The following SLC13A3 variants were observed in gnomAD, a reference collection of about 807,000 sequenced individuals.
SLC13A3 encodes the protein solute carrier family 13 member 3, also known as Na(+)/dicarboxylate cotransporter 3.
In SLC13A3, 40 loss-of-function variants were observed where a neutral mutation model predicts 59.0. The ratio of observed to expected loss-of-function variants is 0.68; its 90% confidence interval spans 0.53 to 0.88. The LOEUF is 0.88. SLC13A3 is among the 40% of genes least tolerant of loss of function. The pLI, the probability that SLC13A3 is intolerant of heterozygous loss-of-function variation, is 0.00. For missense variants in SLC13A3, 699 were observed against 783.2 expected, an observed-to-expected ratio of 0.89 and a Z score of 1.28; for synonymous variants, 317 against 330.3, an observed-to-expected ratio of 0.96 and a Z score of 0.44.
intron 4 of SLC13A3, among the ~76,000 whole-genome samples, chr20:46,598,604 G>A (rs2062339838): frequency 6.6e-6 from 1 of 152,146 alleles, no homozygotes; most frequent in African/African-American, 2.4e-5. Context: ...ACCAATCACA[G>A]AACTCATGTC....
intron 1 of SLC13A3, among the ~76,000 whole-genome samples, chr20:46,661,636 C>T (rs2063030751): frequency 6.6e-6 from 1 of 152,156 alleles, no homozygotes; most frequent in African/African-American, 2.4e-5. Context: ...CCATTTCCTG[C>T]ACCTGGGAGG....
intron 11 of SLC13A3, 113 bp from the exon 12 acceptor site, chr20:46,563,664 G>T: frequency 8.7e-7 from 1 of 1,151,544 alleles, no homozygotes; most frequent in Non-Finnish European, 1.2e-6. Flanking sequence ...AAGACGTAGA[G>T]ACAGAGAGAC....
chr20:46,582,474 A>C (rs1409125875), intron 9 of SLC13A3: 2 of 223,018 alleles, frequency 9.0e-6, no homozygotes, highest in African/African-American at 4.8e-5. Flanking sequence ...GAGGTGGCTC[A>C]CACCTGTAAT....
intron 8 of SLC13A3, chr20:46,585,480 T>C (rs780211480): frequency 2.1e-5 from 21 of 996,082 alleles, no homozygotes; most frequent in Admixed American, 6.1e-5. Flanking sequence ...AAATCTTCTT[T>C]TAATAGGGTT....
intron 3 of SLC13A3, among the ~76,000 whole-genome samples, chr20:46,606,961 CCCTCCAAGTCTGAGGA>C: frequency 6.6e-6 from 1 of 152,354 alleles, no homozygotes; most frequent in South Asian, 2.1e-4. Flanking sequence ...AACAGCGCTG[CCCTCCAAGTCTGAGGA>C]CCTCTGGAGT....
chr20:46,662,146 C>T (rs1437420055), intron 1 of SLC13A3, among the ~76,000 whole-genome samples: 1 of 152,160 alleles, frequency 6.6e-6, no homozygotes, highest in Non-Finnish European at 1.5e-5. Flanking sequence ...CTCTTCTCCC[C>T]CATTATGATC....
chr20:46,679,753 CA>C (rs1411656803), intron 1 of SLC13A3, among the ~76,000 whole-genome samples: 1 of 152,030 alleles, frequency 6.6e-6, no homozygotes, highest in Non-Finnish European at 1.5e-5. Context: ...ACTAAAAATT[CA>C]AAAATTAGCT....
chr20:46,596,101 G>A (rs940585257), intron 5 of SLC13A3, 56 bp downstream of exon 5: 7 of 1,506,088 alleles, frequency 4.6e-6, no homozygotes, highest in African/African-American at 1.4e-5. Context: ...GAATGAAGGA[G>A]GGAAGAGGAG....
chr20:46,610,921 C>A (rs2062487887), intron 2 of SLC13A3, among the ~76,000 whole-genome samples: 1 of 151,934 alleles, frequency 6.6e-6, no homozygotes, highest in Admixed American at 6.6e-5. Context: ...CCAAGACACT[C>A]CACTATCTTT....
At chr20:46,627,929 T>C (rs1438336109) in intron 1 of SLC13A3, among the ~76,000 whole-genome samples, 1 of 151,886 alleles carries the variant, frequency 6.6e-6, no homozygotes, top group Non-Finnish European at 1.5e-5. Flanking sequence ...AGCCTAAGAG[T>C]AGATCTCATC....
intron 3 of SLC13A3, among the ~76,000 whole-genome samples, chr20:46,607,949 G>A (rs1180280992): frequency 6.6e-6 from 1 of 152,150 alleles, no homozygotes; most frequent in Non-Finnish European, 1.5e-5. Flanking sequence ...TAAACTAAGT[G>A]CACAGTAAAC....
chr20:46,668,646 G>T (rs888294707), intron 1 of SLC13A3, among the ~76,000 whole-genome samples: 1 of 152,218 alleles, frequency 6.6e-6, no homozygotes, highest in Non-Finnish European at 1.5e-5. Context: ...CATTGATGAA[G>T]ATGACTACAC....
intron 1 of SLC13A3, among the ~76,000 whole-genome samples, chr20:46,623,577 A>T (rs1056882022): frequency 5.9e-5 from 9 of 152,200 alleles, no homozygotes; most frequent in African/African-American, 2.2e-4. Context: ...GGGAAATTAT[A>T]AAAAGATGTC....
At chr20:46,637,459 A>G (rs572110719) in intron 1 of SLC13A3, among the ~76,000 whole-genome samples, 1 of 152,286 alleles carries the variant, frequency 6.6e-6, no homozygotes, top group East Asian at 1.9e-4. Flanking sequence ...ACAGGAGGAA[A>G]TGGAGGCTCA....
At chr20:46,678,989 G>A (rs2063140736) in intron 1 of SLC13A3, among the ~76,000 whole-genome samples, 1 of 152,128 alleles carries the variant, frequency 6.6e-6, no homozygotes. Flanking sequence ...ATGGGACACT[G>A]CCTGCTCCCC....
intron 9 of SLC13A3, among the ~76,000 whole-genome samples, chr20:46,581,357 T>C (rs964439066): frequency 7.2e-5 from 11 of 152,160 alleles, no homozygotes; most frequent in Non-Finnish European, 1.5e-4. Flanking sequence ...TGAAGTAGCC[T>C]TGTGGAAGGA....
chr20:46,613,126 G>A (rs2062516393), intron 2 of SLC13A3, among the ~76,000 whole-genome samples: 2 of 151,712 alleles, frequency 1.3e-5, no homozygotes, highest in African/African-American at 4.9e-5. Flanking sequence ...AGCAGTCAGG[G>A]TCAAACTGTC....
At chr20:46,567,738 C>T (rs910053079) in intron 10 of SLC13A3, among the ~76,000 whole-genome samples, 3 of 152,136 alleles carry the variant, frequency 2.0e-5, no homozygotes, top group South Asian at 2.1e-4. Context: ...AATACTCTTC[C>T]GCACCTCTGT....
intron 3 of SLC13A3, among the ~76,000 whole-genome samples, chr20:46,600,298 A>AG: frequency 1.0e-5 from 1 of 97,424 alleles, no homozygotes; most frequent in Non-Finnish European, 2.0e-5. Context: ...AGGGAAAGAA[A>AG]GAAAGAAAGA....
Sources: allele counts gnomAD v4.1 joint callset (sites outside exome capture counted in the v4.1 genomes callset), GRCh38; gene constraint gnomAD v4.1.1; transcripts MANE v1.5; gene names NCBI Gene and HGNC (gene_info 2026-07-23, HGNC 2026-07-21).